The following GRIP2 variants were observed in gnomAD, a reference collection of about 807,000 sequenced individuals.
GRIP2 encodes the protein glutamate receptor-interacting protein 2.
A neutral mutation model predicts 108.3 loss-of-function variants in GRIP2; 58 were observed. The observed-to-expected ratio is 0.54, with a 90% CI of 0.43 to 0.67. GRIP2 has a LOEUF of 0.67. Ranked by LOEUF, GRIP2 falls within the 30% of genes least tolerant of loss-of-function variation. GRIP2 has a pLI of 0.00. For missense variants in GRIP2, 1,278 were observed against 1,430.6 expected, an observed-to-expected ratio of 0.89 and a Z score of 1.72; for synonymous variants, 586 against 598.2, an observed-to-expected ratio of 0.98 and a Z score of 0.30.
chr3:14,552,321 A>G (rs538743868), intron 1 of GRIP2, among the ~76,000 whole-genome samples: 1 of 152,302 alleles, frequency 6.6e-6, no homozygotes, highest in East Asian at 1.9e-4. Context: ...CATCACAGAC[A>G]TGCACCACGG....
intron 16 of GRIP2, 85 bp from the exon 17 acceptor site, chr3:14,510,049 CT>C (rs1694041007): frequency 8.3e-7 from 1 of 1,198,060 alleles, no homozygotes; most frequent in Non-Finnish European, 1.1e-6. Context: ...CTCACTCATA[CT>C]TATTTATTAA....
the GRIP2 span, among the ~76,000 whole-genome samples, chr3:14,576,308 G>A: frequency 1.3e-5 from 2 of 152,260 alleles, no homozygotes; most frequent in African/African-American, 2.4e-5. Context: ...GCACTGAGAT[G>A]CGGGTGCTGT....
In GRIP2 at chr3:14,491,782, C is replaced by T. The variant is rs1006735705; in HGVS notation, c.*1883G>A. ...GCTGAGCCACCTGTCCAAGGTCACA[C>T]AGCTATGGCTGCTTGCATCCAGAAG... On this transcript the variant is annotated 3_prime_UTR_variant, in exon 24 of 24. Transcript: ENST00000621039. 1 of 152,314 alleles carries T rather than the reference C, an allele frequency of 6.6e-6. No individual in the cohort carries two copies. The highest frequency in any genetic ancestry group is 2.1e-4 in the South Asian group (1 of 4,836). The allele number at this position is 152,314 out of a possible 1,614,324, so 9.4% of individuals were successfully genotyped here.
At chr3:14,585,338 G>A in the GRIP2 span, among the ~76,000 whole-genome samples, 47 of 152,336 alleles carry the variant, frequency 3.1e-4, no homozygotes, top group African/African-American at 1.1e-3. Context: ...GGAGATTTCA[G>A]CATAAAATAT....
intron 10 of GRIP2, 56 bp from the exon 11 acceptor site, chr3:14,517,269 A>G: frequency 6.8e-7 from 1 of 1,474,584 alleles, no homozygotes; most frequent in Non-Finnish European, 9.0e-7. Flanking sequence ...CCACCCCACC[A>G]CACAGTGGGT....
At position 14,517,209 on chromosome 3, in the gene GRIP2, C is replaced by T; in HGVS notation, c.1161G>A (p.Leu387=). 6.3e-7 allele frequency: 1 copy of T among 1,585,698 alleles called. No individual in the cohort carries two copies. Among genetic ancestry groups the T allele is most frequent in the Non-Finnish European group, 8.6e-7 (1 of 1,166,056 alleles). Residue 387 remains leucine, a synonymous_variant, in exon 11 of 24, where the codon TTG becomes TTA. Transcript: ENST00000621039. Reference sequence around the variant, plus strand: ...TCGGCGAGGAAAAGGGAGTTGAAGACAAGGCTGGGGAGATGAGAGCACAGC... The same window carrying T: ...TCGGCGAGGAAAAGGGAGTTGAAGATAAGGCTGGGGAGATGAGAGCACAGC... ...TPAGQDQSRS[L]SSTPFSSPTL...
chr3:14,525,754 G>C, intron 2 of GRIP2, 97 bp downstream of exon 2: 1 of 1,355,760 alleles, frequency 7.4e-7, no homozygotes, highest in South Asian at 1.3e-5. Flanking sequence ...TAAGGTCACA[G>C]AGCAAGTCAG....
chr3:14,525,980 C>T, intron 1 of GRIP2, 49 bp from the exon 2 acceptor site: 1 of 1,479,888 alleles, frequency 6.8e-7, no homozygotes. Context: ...CGTTTCCATT[C>T]CTGCAGACCT....
chr3:14,579,414 G>A, the GRIP2 span, among the ~76,000 whole-genome samples: 1 of 152,148 alleles, frequency 6.6e-6, no homozygotes, highest in Non-Finnish European at 1.5e-5. Context: ...CTTCAACAAA[G>A]TTATTTTTTA....
chr3:14,494,719 G>T, intron 23 of GRIP2, 124 bp downstream of exon 23: 3 of 1,225,540 alleles, frequency 2.4e-6, no homozygotes, highest in Non-Finnish European at 3.3e-6. Flanking sequence ...ATGCAACTTT[G>T]GCTAACCTGA....
chr3:14,533,418 G>C (rs1188088188), intron 1 of GRIP2, among the ~76,000 whole-genome samples: 1 of 152,214 alleles, frequency 6.6e-6, no homozygotes, highest in Non-Finnish European at 1.5e-5. Context: ...AGAAAAGTGG[G>C]GGAGGGAGAA....
At chr3:14,562,013 G>A in the GRIP2 span, among the ~76,000 whole-genome samples, 1 of 152,212 alleles carries the variant, frequency 6.6e-6, no homozygotes, top group Non-Finnish European at 1.5e-5. Context: ...ATTCTAGTGA[G>A]GAAGACAGGG....
chr3:14,513,633 A>G (rs1355649659), intron 13 of GRIP2, 32 bp downstream of exon 13: 2 of 1,584,960 alleles, frequency 1.3e-6, no homozygotes, highest in Non-Finnish European at 1.7e-6. Flanking sequence ...GGGCCCTGAA[A>G]TATGAGGAGG....
At chr3:14,493,969 G>T in intron 23 of GRIP2, 143 bp from the exon 24 acceptor site, 1 of 751,452 alleles carries the variant, frequency 1.3e-6, no homozygotes, top group Non-Finnish European at 2.0e-6. Context: ...ACACACAGAG[G>T]AACATTCTTC....
chr3:14,531,065 T>G (rs1694698126), intron 1 of GRIP2: 1 of 152,264 alleles, frequency 6.6e-6, no homozygotes, highest in Non-Finnish European at 1.5e-5. Context: ...CCAATTTTAG[T>G]ATCTGTGCTG....
the GRIP2 span, among the ~76,000 whole-genome samples, chr3:14,562,801 T>A: frequency 6.6e-6 from 1 of 152,172 alleles, no homozygotes; most frequent in South Asian, 2.1e-4. Context: ...CTACGTGGCA[T>A]TACGTGCGCC....
the GRIP2 span, among the ~76,000 whole-genome samples, chr3:14,570,751 A>C: frequency 6.6e-6 from 1 of 152,268 alleles, no homozygotes; most frequent in East Asian, 1.9e-4. Flanking sequence ...GGCCTTCCCC[A>C]GATAGCCCAA....
At chr3:14,583,620 G>A in the GRIP2 span, among the ~76,000 whole-genome samples, 1 of 152,188 alleles carries the variant, frequency 6.6e-6, no homozygotes, top group Non-Finnish European at 1.5e-5. Context: ...TGGATGTGTG[G>A]CAAGAAATTA....
At chr3:14,573,754 A>G in the GRIP2 span, 3 of 1,518,558 alleles carry the variant, frequency 2.0e-6, no homozygotes, top group Admixed American at 1.7e-5. Flanking sequence ...GGCTCATCAT[A>G]TACCCTGGGA....
Sources: gnomAD v4.1 joint callset for allele counts (sites outside exome capture counted in the v4.1 genomes callset) on GRCh38, gnomAD v4.1.1 for gene constraint, MANE v1.5 for transcripts, NCBI Gene and HGNC (gene_info 2026-07-23, HGNC 2026-07-21) for gene names.